TNRC6B: variants seen among roughly 807,000 people sequenced by gnomAD.
TNRC6B encodes the protein trinucleotide repeat-containing gene 6B protein.
Under a neutral mutation model 203.6 loss-of-function variants are expected in TNRC6B, and 52 were observed. That is an observed-to-expected ratio of 0.26 (90% CI 0.20 to 0.32). TNRC6B has a LOEUF of 0.32. Ranked by LOEUF, TNRC6B falls within the 10% of genes least tolerant of loss-of-function variation. TNRC6B has a pLI of 1.00. For missense variants in TNRC6B, 1,923 were observed against 2,286.2 expected (o/e 0.84, Z 3.24); for synonymous variants, 838 against 845.7 (o/e 0.99, Z 0.16).
At chr22:40,064,613 C>CTT (rs888329204) in intron 1 of TNRC6B, among the ~76,000 whole-genome samples, 9 of 137,906 alleles carry the variant, frequency 6.5e-5, no homozygotes, top group East Asian at 2.1e-4. Flanking sequence ...GTGTATAATC[C>CTT]TTTTTTTTTT....
upstream of TNRC6B, among the ~76,000 whole-genome samples, chr22:40,174,180 T>G (rs1422305341): frequency 6.6e-6 from 1 of 151,868 alleles, no homozygotes; most frequent in Non-Finnish European, 1.5e-5. Context: ...TTTTTTTTTT[T>G]AGAGACAGAG....
intron 1 of TNRC6B, among the ~76,000 whole-genome samples, chr22:40,095,252 A>T (rs2068178551): frequency 6.6e-6 from 1 of 152,164 alleles, no homozygotes; most frequent in Non-Finnish European, 1.5e-5. Context: ...CCAAATAAAG[A>T]TTTATTTTTT....
At chr22:40,313,484 A>T (rs1015737929) in intron 19 of TNRC6B, among the ~76,000 whole-genome samples, 1 of 152,084 alleles carries the variant, frequency 6.6e-6, no homozygotes, top group Non-Finnish European at 1.5e-5. Flanking sequence ...TAAGTTCCTC[A>T]TGGTTTTTTA....
intron 1 of TNRC6B, among the ~76,000 whole-genome samples, chr22:40,084,835 G>C (rs1215231355): frequency 1.3e-5 from 2 of 152,162 alleles, no homozygotes; most frequent in Admixed American, 6.5e-5. Flanking sequence ...TCATGCTCAG[G>C]AGTTTGGTGC....
chr22:40,100,071 T>C (rs1235920805), intron 1 of TNRC6B, among the ~76,000 whole-genome samples: 1 of 43,338 alleles, frequency 2.3e-5, no homozygotes, highest in Non-Finnish European at 4.8e-5. Flanking sequence ...ATTTTTATTA[T>C]TTATTTATTT....
In TNRC6B at chr22:40,109,339, G is replaced by A. The variant is rs369303747; in HGVS notation, c.-120-7716G>A. Among the ~76,000 whole-genome samples the A allele has an allele frequency of 1.2e-4, 18 of 152,248 alleles. 2 individuals are homozygous for A. Among genetic ancestry groups the A allele is most frequent in the Admixed American group, 9.8e-4 (15 of 15,294 alleles). Reference sequence around the variant, plus strand: ...GGGTCAAATGGTATTTCTGGTTCTAGGTCATTGAGGAATCACCACACTGTC... The same window carrying A: ...GGGTCAAATGGTATTTCTGGTTCTAAGTCATTGAGGAATCACCACACTGTC... On this transcript the variant is annotated intron_variant, in intron 1 of 23. Coordinates refer to the TNRC6B transcript ENST00000301923.
intron 1 of TNRC6B, among the ~76,000 whole-genome samples, chr22:40,089,108 A>G (rs2146295375): frequency 6.6e-6 from 1 of 152,312 alleles, no homozygotes; most frequent in South Asian, 2.1e-4. Context: ...ACAAATGAGT[A>G]ATTATGTGGT....
upstream of TNRC6B, among the ~76,000 whole-genome samples, chr22:40,173,161 A>G (rs1340653248): frequency 1.3e-5 from 2 of 152,000 alleles, no homozygotes; most frequent in Non-Finnish European, 2.9e-5. Context: ...TCTACTGGTG[A>G]TCTCCGCTCA....
At chr22:40,186,754 TAAAAA>T (rs1360154969) in intron 1 of TNRC6B, among the ~76,000 whole-genome samples, 2 of 151,424 alleles carry the variant, frequency 1.3e-5, no homozygotes, top group African/African-American at 2.4e-5. Context: ...AAAAAAAAGT[TAAAAA>T]TAAAAAGAAA....
Position 40,324,170 on chromosome 22 carries a change from C to T in TNRC6B, c.*929C>T, listed in dbSNP as rs1316903576. 1 of 152,624 alleles carries T rather than the reference C, an allele frequency of 6.6e-6. No individual in the cohort carries two copies. Among genetic ancestry groups the T allele is most frequent in the African/African-American group, 2.4e-5 (1 of 41,438 alleles). 9.5% of individuals were successfully genotyped at this position (152,624 alleles called of 1,614,324 possible). On this transcript the variant is annotated 3_prime_UTR_variant, in exon 23 of 23. Transcript: ENST00000454349. ...GCAGGGAGCTCCTTTCCATTTGCAA[C>T]TTAGCCTGAATGTGGGGTTTCTCTG...
chr22:40,203,201 G>C (rs1601880662), intron 1 of TNRC6B, among the ~76,000 whole-genome samples: 1 of 152,106 alleles, frequency 6.6e-6, no homozygotes, highest in Admixed American at 6.6e-5. Context: ...CTAAGCTATG[G>C]GTGCTTCCCA....
At chr22:40,128,539 A>ATCACGGCTCACGGC (rs555957258) in intron 3 of TNRC6B, among the ~76,000 whole-genome samples, 302 of 147,876 alleles carry the variant, frequency 2.0e-3, no homozygotes, top group African/African-American at 4.4e-3. Context: ...TGGTGGTATG[A>ATCACGGCTCACGGC]TCACGGCTCA....
At chr22:40,074,787 AAAT>A (rs1281053147) in intron 1 of TNRC6B, among the ~76,000 whole-genome samples, 3 of 149,696 alleles carry the variant, frequency 2.0e-5, no homozygotes, top group African/African-American at 7.6e-5. Context: ...TCCAAAAAAA[AAAT>A]AAAATAAAAT....
At chr22:40,121,421 C>T (rs953898562) in intron 2 of TNRC6B, among the ~76,000 whole-genome samples, 4 of 152,220 alleles carry the variant, frequency 2.6e-5, no homozygotes, top group African/African-American at 9.7e-5. Context: ...AATTGTTCCA[C>T]TTTCTGATGT....
At chr22:40,078,998 C>T (rs1190016868) in intron 1 of TNRC6B, among the ~76,000 whole-genome samples, 1 of 151,514 alleles carries the variant, frequency 6.6e-6, no homozygotes, top group African/African-American at 2.4e-5. Flanking sequence ...CGCATGAACT[C>T]GGGAGGCAGA....
At chr22:40,097,060 C>T (rs1171599125) in intron 1 of TNRC6B, among the ~76,000 whole-genome samples, 1 of 152,116 alleles carries the variant, frequency 6.6e-6, no homozygotes, top group Non-Finnish European at 1.5e-5. Context: ...GGGAGTTCAC[C>T]CTGGTGATGG....
intron 12 of TNRC6B, among the ~76,000 whole-genome samples, chr22:40,291,873 G>A (rs2070873251): frequency 6.6e-6 from 1 of 152,040 alleles, no homozygotes; most frequent in Non-Finnish European, 1.5e-5. Flanking sequence ...CACATTATAG[G>A]GGCAATCAGT....
intron 3 of TNRC6B, chr22:40,156,007 A>G (rs1047373870): frequency 1.1e-6 from 1 of 928,216 alleles, no homozygotes; most frequent in Non-Finnish European, 1.7e-6. Flanking sequence ...TGTTCTGTGC[A>G]CCACAGTGAA....
chr22:40,147,829 G>A (rs1185705451), intron 3 of TNRC6B, among the ~76,000 whole-genome samples: 2 of 152,304 alleles, frequency 1.3e-5, no homozygotes, highest in Middle Eastern at 3.4e-3. Context: ...CAAATCTGTA[G>A]AGATAGAAGG....
Sources: gnomAD v4.1 joint callset for allele counts (sites outside exome capture counted in the v4.1 genomes callset) on GRCh38, gnomAD v4.1.1 for gene constraint, MANE v1.5 for transcripts, NCBI Gene and HGNC (gene_info 2026-07-23, HGNC 2026-07-21) for gene names.